IRF5: variants seen among roughly 807,000 people sequenced by gnomAD.
IRF5 encodes interferon regulatory factor 5.
A neutral mutation model predicts 55.1 loss-of-function variants in IRF5; 24 were observed. The ratio of observed to expected loss-of-function variants is 0.44; its 90% CI spans 0.32 to 0.61. The LOEUF (loss-of-function observed/expected upper bound fraction) is 0.61. IRF5 is among the 20% of genes least tolerant of loss of function. The probability of loss-of-function intolerance (pLI) is 0.07; values close to 1 mark genes in which losing one functional copy is unlikely to be tolerated. For synonymous variants in IRF5, 258 were observed against 260.2 expected (o/e 0.99, Z 0.08); for missense variants, 499 against 658.5 (o/e 0.76, Z 2.65).
intron 2 of IRF5, among the ~76,000 whole-genome samples, chr7:128,943,707 A>ATTTTTTTTTTTTTT (rs61451031): frequency 9.7e-5 from 7 of 71,924 alleles, no homozygotes; most frequent in Admixed American, 2.2e-4. Flanking sequence ...TGCCCGGCTA[A>ATTTTTTTTTTTTTT]TTTTTTTTTT....
chr7:128,942,753 G>C (rs530898376), intron 2 of IRF5, among the ~76,000 whole-genome samples: 5 of 152,032 alleles, frequency 3.3e-5, no homozygotes, highest in Non-Finnish European at 7.4e-5. Flanking sequence ...TTCAGTGCAC[G>C]CATATGCTAA....
At chr7:128,943,141 C>A in intron 2 of IRF5, 1 of 226,450 alleles carries the variant, frequency 4.4e-6, no homozygotes, top group Non-Finnish European at 9.0e-6. Flanking sequence ...TCAGGTGAGT[C>A]TCCCATCTCA....
intron 1 of IRF5, among the ~76,000 whole-genome samples, chr7:128,938,679 C>A (rs1314734613): frequency 1.3e-5 from 2 of 152,160 alleles, no homozygotes; most frequent in Non-Finnish European, 2.9e-5. Flanking sequence ...TCTCGTCCCC[C>A]GAGCAGCGGA....
chr7:128,942,525 T>G (rs1796085784), intron 2 of IRF5, among the ~76,000 whole-genome samples: 1 of 151,454 alleles, frequency 6.6e-6, no homozygotes, highest in Non-Finnish European at 1.5e-5. Context: ...CGATCTCAGC[T>G]CACTGCAACC....
At position 128,938,989 on chromosome 7, in the gene IRF5, G is replaced by A. The variant is rs573966285; in HGVS notation, c.-12+940G>A. 1.5e-3 allele frequency among the ~76,000 whole-genome samples: 226 copies of A among 149,186 alleles called. 2 individuals carry two copies. Among genetic ancestry groups the A allele is most frequent in the African/African-American group, 5.5e-3 (221 of 40,426 alleles). On this transcript the variant is annotated intron_variant, in intron 1 of 8. Transcript: ENST00000357234. Reference sequence around the variant, plus strand: ...AGAGGCCGACTCTGGAGGTGGGGGTGGCTCCGCGGGCTGGCCCAGGGGGTG... The same window carrying A: ...AGAGGCCGACTCTGGAGGTGGGGGTAGCTCCGCGGGCTGGCCCAGGGGGTG...
At position 128,947,792 on chromosome 7, in the gene IRF5, AC is replaced by A; in HGVS notation, c.856del (p.His286MetfsTer23). ...GRPPRALTIS[N>X]PHGCRLFYSQ... Reference sequence around the variant, plus strand: ...CCACCCCGGGCCCTCACCATCAGCAACCCCCATGGCTGCCGGCTCTTCTACA... The same window carrying A: ...CCACCCCGGGCCCTCACCATCAGCAACCCCATGGCTGCCGGCTCTTCTACA... On this transcript the variant is annotated frameshift_variant, in exon 7 of 9. Coordinates refer to ENST00000357234, the MANE Select transcript of IRF5 (RefSeq NM_001098629.3). LOFTEE classifies it high-confidence loss of function. This position sits in a 1 kb window ranked among gnomAD's most constrained non-coding sequence, Gnocchi z 6.5. 6.2e-7 allele frequency: 1 copy of A among 1,613,276 alleles called. No homozygotes were observed. The highest frequency in any genetic ancestry group is 8.5e-7 in the Non-Finnish European group (1 of 1,179,802).
chr7:128,940,655 C>G (rs1437528754), intron 1 of IRF5: 1 of 153,136 alleles, frequency 6.5e-6, no homozygotes, highest in Non-Finnish European at 1.5e-5. Flanking sequence ...CCCCTGGGGC[C>G]GGGTGGAGGC....
intron 2 of IRF5, 142 bp downstream of exon 2, chr7:128,942,418 A>G: frequency 1.5e-6 from 1 of 654,264 alleles, no homozygotes; most frequent in Non-Finnish European, 2.6e-6. Flanking sequence ...GCCCGGACTA[A>G]GGGGATGCAG....
At chr7:128,943,115 C>G (rs1338006990) in intron 2 of IRF5, 1 of 206,946 alleles carries the variant, frequency 4.8e-6, no homozygotes, top group Non-Finnish European at 1.0e-5. Flanking sequence ...CTCACTGCAG[C>G]CTCGACCTCC....
At chr7:128,937,294 G>A (rs1272101156), upstream of IRF5, among the ~76,000 whole-genome samples, 4 of 152,320 alleles carry the variant, frequency 2.6e-5, no homozygotes, top group East Asian at 7.7e-4. Context: ...TCTGGGGTGA[G>A]GTTCTTTATG....
At chr7:128,937,368 G>A (rs1168169918), upstream of IRF5, among the ~76,000 whole-genome samples, 1 of 152,242 alleles carries the variant, frequency 6.6e-6, no homozygotes, top group African/African-American at 2.4e-5. Context: ...AGGTGGGACA[G>A]GCGACCACGC....
chr7:128,948,508 A>G lies in IRF5; in HGVS notation c.1300-65A>G, dbSNP rs139011526. On this transcript the variant is annotated intron_variant, in intron 8 of 8. Transcript: ENST00000357234. The surrounding 1 kb of genome is among the most constrained non-coding windows in gnomAD (Gnocchi z 4.6). ...TTACTCACCCCTGATGGCTGTCCTC[A>G]TGCACAGCTGGATCTGGCAGCCCTG... is the stretch of plus-strand genomic sequence containing the variant. 275 of 1,593,436 alleles carry G rather than the reference A, an allele frequency of 1.7e-4. 2 individuals are homozygous for G. The East Asian group carries it at 6.0e-3, about 35-fold the overall frequency.
Position 128,946,541 on chromosome 7 carries a change from G to T in IRF5, c.426G>T (p.Glu142Asp). Residue 142 changes from glutamate to aspartate, a missense_variant, in exon 4 of 9, where the codon GAG becomes GAT. Coordinates refer to ENST00000357234, the MANE Select transcript of IRF5 (RefSeq NM_001098629.3). The surrounding 1 kb of genome is among the most constrained non-coding windows in gnomAD (Gnocchi z 4.2). ...PPEDYSFGAG[E>D]EEEEEEELQR... The stretch of plus-strand genomic sequence containing the variant: ...AGGATTACTCTTTTGGTGCAGGAGA[G>T]GAGGAGGAAGAAGAGGAAGAGGTGA... 1 of 1,606,150 alleles carries T rather than the reference G, an allele frequency of 6.2e-7. No homozygotes were observed. The highest frequency in any genetic ancestry group is 8.5e-7 in the Non-Finnish European group (1 of 1,175,988).
Position 128,946,217 on chromosome 7 carries a change from C to T in IRF5, c.385+183C>T, listed in dbSNP as rs1192666431. ...TTCCAGGAGTGGCTGGGATGGGTCA[C>T]TGGCATATCAGGAATGGCTTGGCGT... On this transcript the variant is annotated intron_variant, in intron 3 of 8. Coordinates refer to ENST00000357234, the MANE Select transcript of IRF5 (RefSeq NM_001098629.3). The surrounding 1 kb of genome is among the most constrained non-coding windows in gnomAD (Gnocchi z 4.2). 2.0e-5 allele frequency among the ~76,000 whole-genome samples: 3 copies of T among 152,246 alleles called. No individual in the cohort carries two copies. Among genetic ancestry groups the T allele is most frequent in the Non-Finnish European group, 4.4e-5 (3 of 68,050 alleles).
At chr7:128,944,638 C>T (rs1231585394) in intron 2 of IRF5, among the ~76,000 whole-genome samples, 1 of 152,208 alleles carries the variant, frequency 6.6e-6, no homozygotes, top group Non-Finnish European at 1.5e-5. Context: ...GTTTAGCCTT[C>T]CTGAGAGATT....
chr7:128,942,470 T>A lies in IRF5; in HGVS notation c.195+194T>A, dbSNP rs1214536863. On this transcript the variant is annotated intron_variant, in intron 2 of 8. Transcript: ENST00000357234. ...CACCTTTTTCCTTTTTTTTTTTTTT[T>A]AAGACAGAGTCTCGCTCTGTAGCCC... is the stretch of plus-strand genomic sequence containing the variant. 4.7e-5 allele frequency among the ~76,000 whole-genome samples: 7 copies of A among 150,244 alleles called. No homozygotes were observed. In the South Asian group the frequency reaches 8.3e-4, roughly 18 times the overall value.
chr7:128,947,358 G>T lies in IRF5; in HGVS notation c.610G>T (p.Val204Leu), dbSNP rs371725551. 6.2e-7 allele frequency: 1 copy of T among 1,608,066 alleles called. No individual in the cohort carries two copies. Among genetic ancestry groups the T allele is most frequent in the South Asian group, 1.1e-5 (1 of 90,552 alleles). Residue 204 changes from valine to leucine, a missense_variant, in exon 6 of 9, where the codon GTG becomes TTG. Around this residue, in one of 2 missense-constraint regions of IRF5, gnomAD observed 305 missense variants for 340.2 expected, o/e 0.90. Coordinates refer to ENST00000357234, the MANE Select transcript of IRF5 (RefSeq NM_001098629.3). This position sits in a 1 kb window ranked among gnomAD's most constrained non-coding sequence, Gnocchi z 6.5. The stretch of plus-strand genomic sequence containing the variant: ...GCAGCCGCCCACTCTGCAGCCGCCC[G>T]TGGTGCTGGGTCCCCCTGCTCCAGA... Reference protein sequence around the residue: ...TLQPPTLQPPVVLGPPAPDPS... With the variant: ...TLQPPTLQPPLVLGPPAPDPS...
At chr7:128,944,152 C>G (rs758441719) in intron 2 of IRF5, among the ~76,000 whole-genome samples, 4 of 152,202 alleles carry the variant, frequency 2.6e-5, no homozygotes, top group Non-Finnish European at 4.4e-5. Flanking sequence ...CACCCAATAT[C>G]AGGATCAGCT....
chr7:128,946,063 C>T lies in IRF5; in HGVS notation c.385+29C>T, dbSNP rs1387261224. 1 of 1,546,384 alleles carries T rather than the reference C, an allele frequency of 6.5e-7. No homozygotes were observed. The highest frequency in any genetic ancestry group is 2.3e-5 in the East Asian group (1 of 43,766). On this transcript the variant is annotated intron_variant, in intron 3 of 8. Coordinates refer to ENST00000357234, the MANE Select transcript of IRF5 (RefSeq NM_001098629.3). This position sits in a 1 kb window ranked among gnomAD's most constrained non-coding sequence, Gnocchi z 4.2. The stretch of plus-strand genomic sequence containing the variant: ...TCAGGCCTAGCCCTCTGTGGGCCAC[C>T]TGGGAGGCTGTGCAATGTCCTGGCC...
Sources: gnomAD v4.1 joint callset for allele counts (sites outside exome capture counted in the v4.1 genomes callset) on GRCh38, gnomAD v4.1.1 for gene constraint, gnomAD v4.1.1 regional missense constraint, Gnocchi (gnomAD v3.1) non-coding constraint, MANE v1.5 for transcripts, NCBI Gene and HGNC (gene_info 2026-07-23, HGNC 2026-07-21) for gene names.